Variants in CACNA2D1 observed in about 807,000 individuals in gnomAD.
The protein encoded by CACNA2D1 is calcium voltage-gated channel auxiliary subunit alpha2delta 1, also known as voltage-dependent calcium channel subunit alpha-2/delta-1.
A neutral mutation model predicts 171.5 loss-of-function variants in CACNA2D1; 53 were observed. The observed-to-expected ratio is 0.31, with a 90% confidence interval of 0.25 to 0.39. CACNA2D1 has a LOEUF of 0.39. Among genes scored for constraint, CACNA2D1 ranks in the 10% least tolerant of loss-of-function variants. The probability of loss-of-function intolerance (pLI) is 1.00; values close to 1 mark genes in which losing one functional copy is unlikely to be tolerated. For synonymous variants in CACNA2D1, 442 were observed against 443.1 expected (o/e 1.00, Z 0.03); for missense variants, 903 against 1,299.8 (o/e 0.69, Z 4.69).
At chr7:81,977,077 T>TA (rs762810258) in intron 24 of CACNA2D1, among the ~76,000 whole-genome samples, 1 of 152,140 alleles carries the variant, frequency 6.6e-6, no homozygotes, top group African/African-American at 2.4e-5. Context: ...GGCCAGAACT[T>TA]ACAATACTAT....
At chr7:82,333,882 A>G (rs889872110) in intron 3 of CACNA2D1, among the ~76,000 whole-genome samples, 12 of 152,328 alleles carry the variant, frequency 7.9e-5, no homozygotes, top group Admixed American at 3.9e-4. Context: ...AATGAAATAA[A>G]TTATGTGTAT....
At chr7:82,177,115 G>A (rs1796621719) in intron 3 of CACNA2D1, among the ~76,000 whole-genome samples, 2 of 143,842 alleles carry the variant, frequency 1.4e-5, no homozygotes, top group Non-Finnish European at 3.0e-5. Flanking sequence ...GGGCTGGAGG[G>A]TATTGGGGAA....
At chr7:82,007,177 T>A (rs1035310781) in intron 16 of CACNA2D1, among the ~76,000 whole-genome samples, 15 of 151,984 alleles carry the variant, frequency 9.9e-5, no homozygotes, top group African/African-American at 3.6e-4. Context: ...TCTTCCTGTA[T>A]CCTAAAAATA....
chr7:82,243,289 T>A (rs1345797006), intron 3 of CACNA2D1, among the ~76,000 whole-genome samples: 1 of 152,182 alleles, frequency 6.6e-6, no homozygotes, highest in Admixed American at 6.5e-5. Flanking sequence ...AGAAACAATT[T>A]TTATTTTCAT....
intron 3 of CACNA2D1, among the ~76,000 whole-genome samples, chr7:82,172,029 C>T (rs1796071576): frequency 6.6e-6 from 1 of 151,994 alleles, no homozygotes; most frequent in Admixed American, 6.6e-5. Context: ...TAGGTTTTAT[C>T]AGTGACTCTA....
chr7:82,115,356 C>A (rs1464133083), intron 6 of CACNA2D1, among the ~76,000 whole-genome samples: 3 of 151,840 alleles, frequency 2.0e-5, no homozygotes, highest in African/African-American at 7.3e-5. Flanking sequence ...AAAACAATTA[C>A]AAATATCAAA....
intron 1 of CACNA2D1, among the ~76,000 whole-genome samples, chr7:82,405,229 T>G (rs1826884211): frequency 1.3e-5 from 2 of 152,124 alleles, no homozygotes; most frequent in Admixed American, 1.3e-4. Context: ...TATGCCTAAT[T>G]AGACAATAGT....
chr7:82,121,215 C>T (rs1337390832), intron 5 of CACNA2D1, among the ~76,000 whole-genome samples: 1 of 152,082 alleles, frequency 6.6e-6, no homozygotes, highest in East Asian at 1.9e-4. Context: ...TCATACCCAC[C>T]TAGGTTTTTT....
chr7:81,995,183 G>C (rs910746156), intron 19 of CACNA2D1, among the ~76,000 whole-genome samples: 12 of 151,918 alleles, frequency 7.9e-5, no homozygotes, highest in Admixed American at 7.2e-4. Flanking sequence ...TCAACCTGTT[G>C]GTAGTTTTTG....
intron 1 of CACNA2D1, among the ~76,000 whole-genome samples, chr7:82,413,174 T>A (rs1384229477): frequency 1.3e-5 from 2 of 152,234 alleles, no homozygotes; most frequent in Non-Finnish European, 2.9e-5. Flanking sequence ...TGAACATTTC[T>A]TAGTCAATCG....
At chr7:82,410,519 G>T in intron 1 of CACNA2D1, 1 of 985,388 alleles carries the variant, frequency 1.0e-6, no homozygotes, top group South Asian at 4.7e-5. Context: ...GAGCTCAGTG[G>T]TCTGAAGGTG....
chr7:82,413,912 T>C (rs990927878), intron 1 of CACNA2D1, among the ~76,000 whole-genome samples: 1 of 152,170 alleles, frequency 6.6e-6, no homozygotes, highest in East Asian at 1.9e-4. Context: ...ATTAATGATA[T>C]ACTATCCTGA....
At position 82,191,398 on chromosome 7, in the gene CACNA2D1, T is replaced by C. The variant is rs187130434; in HGVS notation, c.295-20789A>G. Among the ~76,000 whole-genome samples the C allele has an allele frequency of 1.4e-3, 207 of 151,920 alleles. No individual in the cohort carries two copies. In the Middle Eastern group the frequency reaches 0.017, roughly 12 times the overall value. On this transcript the variant is annotated intron_variant, in intron 3 of 38. Transcript: ENST00000356860. ...AGTATTAGCTTTCTGATAAAAGCTT[T>C]GAGAATTTCCCAGAGCAATCTGAAT...
intron 3 of CACNA2D1, among the ~76,000 whole-genome samples, chr7:82,238,399 T>C (rs1278072431): frequency 6.6e-6 from 1 of 151,728 alleles, no homozygotes; most frequent in Non-Finnish European, 1.5e-5. Flanking sequence ...TTAAAAATGG[T>C]CCTATTAAAA....
chr7:81,966,823 T>C (rs1794747143), intron 31 of CACNA2D1, among the ~76,000 whole-genome samples: 1 of 151,578 alleles, frequency 6.6e-6, no homozygotes, highest in South Asian at 2.1e-4. Flanking sequence ...GAAAACTGCA[T>C]TGATAACCAA....
At chr7:82,257,518 TGA>T (rs781423141) in intron 3 of CACNA2D1, among the ~76,000 whole-genome samples, 3 of 152,210 alleles carry the variant, frequency 2.0e-5, no homozygotes, top group Non-Finnish European at 4.4e-5. Flanking sequence ...GCCTAAAGTG[TGA>T]ATTACAGGCA....
chr7:82,174,717 AAAAC>A (rs1411956916), intron 3 of CACNA2D1, among the ~76,000 whole-genome samples: 2 of 152,144 alleles, frequency 1.3e-5, no homozygotes, highest in East Asian at 1.9e-4. Context: ...TAAAAAATGA[AAAAC>A]AAAGCCAGCA....
At chr7:82,337,232 A>G (rs1818103452) in intron 2 of CACNA2D1, among the ~76,000 whole-genome samples, 1 of 152,138 alleles carries the variant, frequency 6.6e-6, no homozygotes. Flanking sequence ...TAGTGTAAAT[A>G]TCTGGCTGTA....
At chr7:82,025,021 C>A (rs755017572) in intron 12 of CACNA2D1, among the ~76,000 whole-genome samples, 90 of 151,642 alleles carry the variant, frequency 5.9e-4, no homozygotes, top group Non-Finnish European at 1.0e-3. Flanking sequence ...TATGCTAGTG[C>A]CCTACTGTTT....
Sources: allele counts gnomAD v4.1 joint callset (sites outside exome capture counted in the v4.1 genomes callset), GRCh38; gene constraint gnomAD v4.1.1; transcripts MANE v1.5; gene names NCBI Gene and HGNC (gene_info 2026-07-23, HGNC 2026-07-21).